Variants in TMPRSS9 observed in about 807,000 individuals in gnomAD.
The protein encoded by TMPRSS9 is transmembrane protease serine 9.
TMPRSS9 carries 113 observed loss-of-function variants against 111.4 expected under a neutral mutation model. That is an observed-to-expected ratio of 1.01 (90% CI 0.87 to 1.19). TMPRSS9 has a LOEUF of 1.19. TMPRSS9 is among the 50% of genes most tolerant of loss of function. The pLI is 0.00. For missense variants in TMPRSS9, 1,803 were observed against 1,513.1 expected (o/e 1.19, Z -3.18); for synonymous variants, 805 against 659.1 (o/e 1.22, Z -3.39).
intron 1 of TMPRSS9, among the ~76,000 whole-genome samples, chr19:2,371,822 C>T (rs950049280): frequency 6.6e-6 from 1 of 152,190 alleles, no homozygotes; most frequent in Admixed American, 6.5e-5. Flanking sequence ...ACCCCATCAC[C>T]ACCGCGTTGG....
intron 1 of TMPRSS9, among the ~76,000 whole-genome samples, chr19:2,372,519 GA>G (rs1262117705): frequency 2.0e-5 from 3 of 151,828 alleles, no homozygotes; most frequent in South Asian, 2.1e-4. Context: ...CCAGTCTTTG[GA>G]AAAAAAGATA....
chr19:2,414,498 A>C (rs1971175675), intron 10 of TMPRSS9, among the ~76,000 whole-genome samples: 1 of 151,884 alleles, frequency 6.6e-6, no homozygotes, highest in Non-Finnish European at 1.5e-5. Flanking sequence ...TCAGCCTCCC[A>C]AAATGCTGGG....
intron 7 of TMPRSS9, 66 bp from the exon 9 acceptor site, chr19:2,408,290 G>A (rs1175426324): frequency 1.3e-5 from 20 of 1,542,070 alleles, no homozygotes; most frequent in Non-Finnish European, 1.6e-5. Context: ...CAAGGCGAGT[G>A]TCCCGTCTGC....
At chr19:2,419,186 C>T (rs1395852597) in intron 13 of TMPRSS9, among the ~76,000 whole-genome samples, 1 of 129,650 alleles carries the variant, frequency 7.7e-6, no homozygotes, top group South Asian at 2.8e-4. Flanking sequence ...CTTTCCTTCT[C>T]TCTCTCTCTC....
At chr19:2,370,387 C>G (rs1192283226) in intron 1 of TMPRSS9, among the ~76,000 whole-genome samples, 1 of 147,836 alleles carries the variant, frequency 6.8e-6, no homozygotes, top group Non-Finnish European at 1.5e-5. Context: ...CGCCACTGCA[C>G]TCCAGCCTGG....
Position 2,393,488 on chromosome 19 carries a change from G to A in TMPRSS9, c.143-3051G>A, listed in dbSNP as rs1970642489. On this transcript the variant is annotated intron_variant, in intron 1 of 17. Transcript: ENST00000648592. ...CAAACTCCGGACACACCATCTTTAA[G>A]AAATGTAACACTCAGCGTGAGGATC... Among the ~76,000 whole-genome samples, 3 of 152,170 alleles carry A rather than the reference G, an allele frequency of 2.0e-5. No homozygotes were observed. The South Asian group carries it at 6.2e-4, about 32-fold the overall frequency.
At chr19:2,382,605 G>C (rs77996961) in intron 1 of TMPRSS9, among the ~76,000 whole-genome samples, 6 of 150,674 alleles carry the variant, frequency 4.0e-5, no homozygotes, top group Admixed American at 6.6e-5. Context: ...CACACACACA[G>C]ACACATGCAC....
intron 1 of TMPRSS9, among the ~76,000 whole-genome samples, chr19:2,381,638 C>T (rs1383405107): frequency 6.6e-6 from 1 of 151,988 alleles, no homozygotes; most frequent in African/African-American, 2.4e-5. Context: ...CCTCACTCCC[C>T]GCCACCCTGG....
chr19:2,407,603 C>CT (rs5826764), intron 7 of TMPRSS9, among the ~76,000 whole-genome samples: 24,028 of 63,026 alleles, frequency 0.38, 2,021 homozygotes, highest in African/African-American at 0.44. Context: ...TTTTTCTTTT[C>CT]TTTTCTTTTT....
At position 2,399,202 on chromosome 19, in the gene TMPRSS9, G is replaced by C. The variant is rs1599293920; in HGVS notation, c.514+9G>C. On this transcript the variant is annotated intron_variant, in intron 4 of 17. Coordinates refer to ENST00000648592, the Ensembl canonical transcript of TMPRSS9. ...GTCGGCTGAGCTCACAGGTGAGTGG[G>C]CAGCCGAGACCGAAACCCCATCACG... The C allele has an allele frequency of 6.3e-7, 1 of 1,578,700 alleles. No homozygotes were observed. Among genetic ancestry groups the C allele is most frequent in the African/African-American group, 1.3e-5 (1 of 74,238 alleles).
At chr19:2,403,113 G>A in exon 6 of TMPRSS9, 1 of 1,612,268 alleles carries the variant, frequency 6.2e-7, no homozygotes, top group East Asian at 2.2e-5. Context: ...TTTCCTGCGG[G>A]AACAGCCAGT....
intron 2 of TMPRSS9, among the ~76,000 whole-genome samples, chr19:2,396,980 G>C (rs564373761): frequency 2.6e-5 from 4 of 151,994 alleles, no homozygotes; most frequent in Non-Finnish European, 5.9e-5. Context: ...GGGTGCAGTG[G>C]AATGATCTCG....
chr19:2,417,667 T>C (rs888535579), intron 12 of TMPRSS9, among the ~76,000 whole-genome samples: 2 of 151,924 alleles, frequency 1.3e-5, no homozygotes, highest in Non-Finnish European at 2.9e-5. Context: ...AAAAAGCAAA[T>C]GCTCACTGGT....
intron 1 of TMPRSS9, among the ~76,000 whole-genome samples, chr19:2,382,566 G>A (rs534240385): frequency 9.2e-5 from 14 of 151,454 alleles, no homozygotes; most frequent in South Asian, 6.2e-4. Context: ...AGACATATAC[G>A]CACAGATGCA....
At chr19:2,403,949 C>T (rs1390261677) in intron 6 of TMPRSS9, among the ~76,000 whole-genome samples, 7 of 146,288 alleles carry the variant, frequency 4.8e-5, no homozygotes, top group East Asian at 2.0e-4. Context: ...GCCAAGATCA[C>T]GCCACTGCAC....
intron 1 of TMPRSS9, among the ~76,000 whole-genome samples, chr19:2,379,689 C>G (rs1478891295): frequency 7.2e-6 from 1 of 139,316 alleles, no homozygotes; most frequent in African/African-American, 2.6e-5. Flanking sequence ...CTTTTTCTTT[C>G]TTTCCTTCCT....
chr19:2,376,595 G>A (rs1333305395), intron 1 of TMPRSS9, among the ~76,000 whole-genome samples: 3 of 152,120 alleles, frequency 2.0e-5, no homozygotes, highest in South Asian at 2.1e-4. Context: ...GAGTAGCTGG[G>A]ATTACAGGCA....
chr19:2,419,729 C>T (rs949859127), intron 13 of TMPRSS9, among the ~76,000 whole-genome samples: 2 of 151,928 alleles, frequency 1.3e-5, no homozygotes, highest in Non-Finnish European at 2.9e-5. Flanking sequence ...GTTGGCCAGG[C>T]TGGTCTCGAA....
intron 1 of TMPRSS9, among the ~76,000 whole-genome samples, chr19:2,377,913 C>T (rs1289574814): frequency 2.0e-5 from 3 of 151,022 alleles, no homozygotes; most frequent in African/African-American, 4.9e-5. Context: ...CAGGGTCTCC[C>T]TCTGCCACCC....
Sources: allele counts gnomAD v4.1 joint callset (sites outside exome capture counted in the v4.1 genomes callset), GRCh38; gene constraint gnomAD v4.1.1; transcripts MANE v1.5; gene names NCBI Gene and HGNC (gene_info 2026-07-23, HGNC 2026-07-21).